Variants in DHX35 observed in about 807,000 individuals in gnomAD.
DHX35 encodes probable ATP-dependent RNA helicase DHX35.
Under a neutral mutation model 99.6 loss-of-function variants are expected in DHX35, and 84 were observed. The observed-to-expected ratio is 0.84, with a 90% confidence interval of 0.71 to 1.01. The LOEUF is 1.01. Ranked by LOEUF, DHX35 falls within the 50% of genes least tolerant of loss-of-function variation. The probability of loss-of-function intolerance (pLI) is 0.00; values close to 1 mark genes in which losing one functional copy is unlikely to be tolerated. For missense variants in DHX35, 852 were observed against 888.5 expected (o/e 0.96, Z 0.52); for synonymous variants, 331 against 316.2 (o/e 1.05, Z -0.50).
chr20:39,006,508 T>C, intron 12 of DHX35, 152 bp downstream of exon 12: 1 of 833,754 alleles, frequency 1.2e-6, no homozygotes, highest in Non-Finnish European at 1.8e-6. Flanking sequence ...ACTGCTTTCC[T>C]CACTCTAAAT....
At chr20:38,995,708 C>A (rs1444532297) in intron 8 of DHX35, among the ~76,000 whole-genome samples, 1 of 152,162 alleles carries the variant, frequency 6.6e-6, no homozygotes, top group Admixed American at 6.6e-5. Context: ...TCAGTGTGTT[C>A]AAAGTTCTGA....
chr20:39,038,062 C>G (rs1568768810), intron 21 of DHX35, among the ~76,000 whole-genome samples: 1 of 152,182 alleles, frequency 6.6e-6, no homozygotes, highest in Non-Finnish European at 1.5e-5. Flanking sequence ...GGTAAATTGA[C>G]TTCCTTGGTC....
chr20:38,979,926 T>C, intron 3 of DHX35, among the ~76,000 whole-genome samples: 1 of 152,088 alleles, frequency 6.6e-6, no homozygotes, highest in East Asian at 1.9e-4. Flanking sequence ...AGTACTGTTA[T>C]TGGTGGAGTT....
intron 16 of DHX35, among the ~76,000 whole-genome samples, chr20:39,023,356 ATTTC>A (rs569193312): frequency 1.0e-3 from 158 of 152,170 alleles, no homozygotes; most frequent in Admixed American, 3.6e-3. Flanking sequence ...GCAAAAGTCA[ATTTC>A]TTTCTTTCTT....
chr20:38,992,338 CTT>C lies in DHX35; in HGVS notation c.513-17_513-16del. The C allele has an allele frequency of 6.2e-7, 1 of 1,613,104 alleles. No individual in the cohort carries two copies. Among genetic ancestry groups the C allele is most frequent in the South Asian group, 1.1e-5 (1 of 91,050 alleles). On this transcript the variant is annotated splice_polypyrimidine_tract_variant and intron_variant, in intron 6 of 21. Coordinates refer to ENST00000252011, the MANE Select transcript of DHX35 (RefSeq NM_021931.4). The stretch of plus-strand genomic sequence containing the variant: ...GGCTTTTTTAGAGGCTCACTGAGAG[CTT>C]CTCTTTGATTCTTAGTGTCATCATG...
At chr20:39,023,540 A>C (rs574013968) in intron 16 of DHX35, 150 bp from the exon 17 acceptor site, 1 of 617,562 alleles carries the variant, frequency 1.6e-6, no homozygotes, top group East Asian at 2.9e-5. Context: ...TTTTGTAGAC[A>C]TGGGGTTTAC....
In DHX35 at chr20:39,014,935, G is replaced by A; in HGVS notation, c.1402+1G>A. On this transcript the variant is annotated splice_donor_variant, in intron 14 of 21. Transcript: ENST00000252011. LOFTEE classifies it high-confidence loss of function. Reference sequence around the variant, plus strand: ...TTGGAGTTACTGTATGCTCTGGGAGGTATGCCAGTTTCTCTCATCATTCTC... The same window carrying A: ...TTGGAGTTACTGTATGCTCTGGGAGATATGCCAGTTTCTCTCATCATTCTC... 6.2e-7 allele frequency: 1 copy of A among 1,614,116 alleles called. No individual in the cohort carries two copies. Among genetic ancestry groups the A allele is most frequent in the South Asian group, 1.1e-5 (1 of 91,072 alleles).
chr20:39,012,554 G>C lies in DHX35; in HGVS notation c.1347+2150G>C, dbSNP rs548755838. ...ACTAATTTTTTTTTTTTTTGAGACA[G>C]AGTCTCTCTCTGTCACCCAGGCTGG... On this transcript the variant is annotated intron_variant, in intron 13 of 21. Coordinates refer to ENST00000252011, the MANE Select transcript of DHX35 (RefSeq NM_021931.4). Among the ~76,000 whole-genome samples the C allele has an allele frequency of 9.3e-5, 14 of 150,136 alleles. No individual in the cohort carries two copies. In the East Asian group the frequency reaches 2.5e-3, roughly 27 times the overall value.
intron 4 of DHX35, among the ~76,000 whole-genome samples, chr20:38,984,376 C>G (rs923113069): frequency 1.3e-5 from 2 of 152,174 alleles, no homozygotes; most frequent in African/African-American, 4.8e-5. Flanking sequence ...TTGTGAACAT[C>G]ATTCCAAGCT....
chr20:39,030,883 C>A, intron 20 of DHX35, 108 bp downstream of exon 20: 1 of 1,288,150 alleles, frequency 7.8e-7, no homozygotes, highest in Non-Finnish European at 1.1e-6. Context: ...CTGCTCTGGG[C>A]CGGGCGTGGT....
intron 3 of DHX35, among the ~76,000 whole-genome samples, chr20:38,983,261 C>T (rs779759696): frequency 2.6e-5 from 4 of 152,142 alleles, no homozygotes; most frequent in Admixed American, 6.5e-5. Flanking sequence ...GGTGTATAGT[C>T]ATATATATAA....
At chr20:39,003,961 T>C in intron 11 of DHX35, 54 bp downstream of exon 11, 1 of 1,595,820 alleles carries the variant, frequency 6.3e-7, no homozygotes, top group Non-Finnish European at 8.6e-7. Flanking sequence ...ATCATAATGA[T>C]GCTCCTTTAC....
chr20:39,036,726 CAAA>C lies in DHX35; in HGVS notation c.2068-1749_2068-1747del, dbSNP rs60032935. ...AGGCGACAGAGCAAGACTGTCCCCC[CAAA>C]AAAAAAAAAAAAAAAAAAAAAAAGA... is the stretch of plus-strand genomic sequence containing the variant. On this transcript the variant is annotated intron_variant, in intron 21 of 21. Coordinates refer to ENST00000252011, the MANE Select transcript of DHX35 (RefSeq NM_021931.4). 7.3e-3 allele frequency among the ~76,000 whole-genome samples: 379 copies of C among 51,674 alleles called. 2 individuals are homozygous for C. The highest frequency in any genetic ancestry group is 0.029 in the African/African-American group (363 of 12,668). The allele number at this position is 51,674 out of a possible 152,430, so 33.9% of individuals were successfully genotyped here.
intron 7 of DHX35, 56 bp from the exon 8 acceptor site, chr20:38,994,765 A>G: frequency 4.2e-6 from 6 of 1,424,066 alleles, no homozygotes; most frequent in Non-Finnish European, 5.9e-6. Context: ...ATATCAAATG[A>G]TCTCATCCAT....
intron 1 of DHX35, among the ~76,000 whole-genome samples, chr20:38,965,549 A>G (rs1347059047): frequency 2.0e-5 from 3 of 152,090 alleles, no homozygotes; most frequent in South Asian, 2.1e-4. Flanking sequence ...TAGAGCTTAC[A>G]TATGCTTTCT....
chr20:38,986,748 G>C (rs1430013671), intron 4 of DHX35, among the ~76,000 whole-genome samples: 2 of 152,224 alleles, frequency 1.3e-5, no homozygotes, highest in African/African-American at 2.4e-5. Context: ...ACCAGAGGCA[G>C]AGCAATGTAG....
chr20:38,973,679 G>A (rs1164801268), intron 3 of DHX35, among the ~76,000 whole-genome samples: 3 of 152,238 alleles, frequency 2.0e-5, no homozygotes, highest in Non-Finnish European at 4.4e-5. Context: ...GCAGGGTTCG[G>A]CAAGTCACAG....
intron 3 of DHX35, among the ~76,000 whole-genome samples, chr20:38,981,527 TCTAAAG>T (rs2145855345): frequency 6.6e-6 from 1 of 152,342 alleles, no homozygotes; most frequent in Non-Finnish European, 1.5e-5. Flanking sequence ...CTGTTTTCTT[TCTAAAG>T]CTTTCATTTT....
At chr20:38,983,601 C>G (rs187615434) in intron 3 of DHX35, 98 bp from the exon 4 acceptor site, 4 of 939,726 alleles carry the variant, frequency 4.3e-6, no homozygotes, top group Admixed American at 4.7e-5. Context: ...GTACTTTTTC[C>G]TTTCTTAGTG....
Sources: gnomAD v4.1 joint callset for allele counts (sites outside exome capture counted in the v4.1 genomes callset) on GRCh38, gnomAD v4.1.1 for gene constraint, MANE v1.5 for transcripts, NCBI Gene and HGNC (gene_info 2026-07-23, HGNC 2026-07-21) for gene names.